The following CNTN3 variants were observed in gnomAD, a reference collection of about 807,000 sequenced individuals.
CNTN3 encodes contactin 3, also known as contactin-3.
Under a neutral mutation model 119.1 loss-of-function variants are expected in CNTN3, and 60 were observed. The observed-to-expected ratio is 0.50, with a 90% confidence interval of 0.41 to 0.62. The LOEUF is 0.62. CNTN3 is among the 20% of genes least tolerant of loss of function. The pLI is 0.00. For synonymous variants in CNTN3, 450 were observed against 438.7 expected (o/e 1.03, Z -0.32); for missense variants, 1,101 against 1,242.4 (o/e 0.89, Z 1.71).
At chr3:74,378,264 A>G (rs976625398) in intron 5 of CNTN3, among the ~76,000 whole-genome samples, 6 of 152,220 alleles carry the variant, frequency 3.9e-5, no homozygotes, top group Non-Finnish European at 7.3e-5. Flanking sequence ...TTTAAGGTTC[A>G]AATAACACAT....
At position 74,600,341 on chromosome 3, in the gene CNTN3, C is replaced by T. The variant is rs535797509; in HGVS notation, c.-81+14050G>A. ...ATCAGTAGAAAAGTTCACTCACAAT[C>T]ACTACGGAGGAAAAAGCAATAGTTC... On this transcript the variant is annotated intron_variant, in intron 1 of 22. Transcript: ENST00000263665. Among the ~76,000 whole-genome samples, 12 of 152,170 alleles carry T rather than the reference C, an allele frequency of 7.9e-5. No homozygotes were observed. In the East Asian group the frequency reaches 2.3e-3, roughly 30 times the overall value.
intron 1 of CNTN3, among the ~76,000 whole-genome samples, chr3:74,561,530 T>G (rs536132878): frequency 6.6e-6 from 1 of 152,236 alleles, no homozygotes; most frequent in African/African-American, 2.4e-5. Context: ...CAAAGCTCCC[T>G]CATGCTGCAG....
At position 74,507,436 on chromosome 3, in the gene CNTN3, GAACT is replaced by G. The variant is rs1474103564; in HGVS notation, c.56-7655_56-7652del. Among the ~76,000 whole-genome samples, 3 of 119,126 alleles carry G rather than the reference GAACT, an allele frequency of 2.5e-5. No homozygotes were observed. In the East Asian group the frequency reaches 7.5e-4, roughly 30 times the overall value. The allele number at this position is 119,126 out of a possible 152,430, so 78.2% of individuals were successfully genotyped here. A position where few individuals can be genotyped will look rare whatever the true frequency, so the allele number is the denominator to read the frequency against. On this transcript the variant is annotated intron_variant, in intron 2 of 22. Coordinates refer to ENST00000263665, the MANE Select transcript of CNTN3 (RefSeq NM_020872.3). ...CCATCTCTAAGAAAAAAAAAAAAAA[GAACT>G]AATACGACTTAGTGATTGTATTTTG...
chr3:74,281,592 C>A (rs1702010328), intron 20 of CNTN3, among the ~76,000 whole-genome samples: 1 of 152,114 alleles, frequency 6.6e-6, no homozygotes, highest in Non-Finnish European at 1.5e-5. Flanking sequence ...AAGCAATCAT[C>A]CCACCTTGGC....
At chr3:74,478,052 A>G (rs1702690909) in intron 4 of CNTN3, among the ~76,000 whole-genome samples, 1 of 152,142 alleles carries the variant, frequency 6.6e-6, no homozygotes, top group African/African-American at 2.4e-5. Flanking sequence ...AGTAGGTAAG[A>G]GATAGTCTAT....
intron 1 of CNTN3, among the ~76,000 whole-genome samples, chr3:74,574,255 A>C (rs11917568): frequency 6.6e-6 from 1 of 152,178 alleles, no homozygotes; most frequent in Non-Finnish European, 1.5e-5. Flanking sequence ...CCATAAAAAC[A>C]GAAGGTAGAT....
intron 5 of CNTN3, among the ~76,000 whole-genome samples, chr3:74,393,817 C>T (rs12635463): frequency 0.36 from 54,219 of 152,080 alleles, 10,774 homozygotes; most frequent in East Asian, 0.64. Context: ...TTGAACCTGA[C>T]CTTTCACTAC....
intron 4 of CNTN3, among the ~76,000 whole-genome samples, chr3:74,475,106 C>A (rs1300524925): frequency 2.6e-5 from 4 of 152,138 alleles, no homozygotes; most frequent in African/African-American, 9.7e-5. Flanking sequence ...TGAGAACAGA[C>A]TAATACATGT....
At chr3:74,313,447 A>G (rs528408862) in intron 13 of CNTN3, among the ~76,000 whole-genome samples, 19 of 152,354 alleles carry the variant, frequency 1.2e-4, no homozygotes, top group African/African-American at 4.6e-4. Context: ...AAAGATTAAA[A>G]AAAAAATTTT....
chr3:74,327,015 C>T lies in CNTN3; in HGVS notation c.1668+7720G>A, dbSNP rs191152255. On this transcript the variant is annotated intron_variant, in intron 13 of 22. Transcript: ENST00000263665. ...TATTGAATGTCATCTTAGTATCAAT[C>T]GAGAATATTGTGGTTTGTTTTATTA... Among the ~76,000 whole-genome samples the T allele has an allele frequency of 2.5e-3, 379 of 149,866 alleles. 2 individuals are homozygous for T. Among genetic ancestry groups the T allele is most frequent in the African/African-American group, 8.7e-3 (356 of 40,712 alleles).
chr3:74,312,107 TG>T (rs1702697849), intron 13 of CNTN3, among the ~76,000 whole-genome samples: 1 of 151,680 alleles, frequency 6.6e-6, no homozygotes, highest in Non-Finnish European at 1.5e-5. Flanking sequence ...CTGGTAGTTG[TG>T]GGGGGAAAAC....
intron 1 of CNTN3, among the ~76,000 whole-genome samples, chr3:74,537,855 G>T (rs571995740): frequency 1.3e-5 from 2 of 152,206 alleles, no homozygotes; most frequent in Middle Eastern, 3.4e-3. Context: ...AAATTGAAGA[G>T]AAGAATGGTA....
At chr3:74,328,504 T>C (rs78111965) in intron 13 of CNTN3, among the ~76,000 whole-genome samples, 364 of 152,346 alleles carry the variant, frequency 2.4e-3, no homozygotes, top group Middle Eastern at 6.8e-3. Flanking sequence ...GCTGTTTTTA[T>C]GGGCTTTAGT....
rs1301435291 is a variant in CNTN3, at chr3:74,297,971, A to G, written c.2387T>C (p.Phe796Ser). Residue 796 changes from phenylalanine to serine, a missense_variant, in exon 18 of 23, where the codon TTC becomes TCC. Transcript: ENST00000263665. Reference sequence around the variant, plus strand: ...GTTTTCCATACCTTCTTCTGCAGAGAACACTGTTGTCACTGGGCTAAATGG... The same window carrying G: ...GTTTTCCATACCTTCTTCTGCAGAGGACACTGTTGTCACTGGGCTAAATGG... ...EGPFSPVTTV[F>S]SAEEEPTVAP... 9 of 1,612,852 alleles carry G rather than the reference A, an allele frequency of 5.6e-6. 1 individual carries two copies. The highest frequency in any genetic ancestry group is 2.2e-5 in the East Asian group (1 of 44,860).
intron 1 of CNTN3, among the ~76,000 whole-genome samples, chr3:74,587,035 T>C (rs1382171708): frequency 2.6e-5 from 4 of 151,988 alleles, no homozygotes; most frequent in Non-Finnish European, 2.9e-5. Flanking sequence ...CTCTCAAAGA[T>C]GCAAGGAGAG....
At chr3:74,424,816 A>T (rs372119917) in intron 5 of CNTN3, 29 bp downstream of exon 5, 2 of 1,590,572 alleles carry the variant, frequency 1.3e-6, no homozygotes, top group South Asian at 2.2e-5. Flanking sequence ...CTTAATAAAT[A>T]TGAAAAGCAG....
intron 4 of CNTN3, among the ~76,000 whole-genome samples, chr3:74,446,148 C>T (rs931827355): frequency 1.3e-5 from 2 of 152,126 alleles, no homozygotes; most frequent in Admixed American, 1.3e-4. Flanking sequence ...TTGTGTAACT[C>T]TGGACCAGTT....
At chr3:74,468,616 C>A (rs1702506144) in intron 4 of CNTN3, among the ~76,000 whole-genome samples, 1 of 152,006 alleles carries the variant, frequency 6.6e-6, no homozygotes, top group African/African-American at 2.4e-5. Context: ...ATGGCATCAG[C>A]TAAAACCATT....
chr3:74,528,410 T>C lies in CNTN3; in HGVS notation c.-80-7218A>G, dbSNP rs546232618. 4.6e-5 allele frequency among the ~76,000 whole-genome samples: 7 copies of C among 152,032 alleles called. No individual in the cohort carries two copies. The East Asian group carries it at 7.8e-4, about 17-fold the overall frequency. ...AATACTAACTTTTATGGAGTGCCCATTATGTGCCAGGCACATTTACCAACT... is the reference window on the plus strand; with the variant it reads ...AATACTAACTTTTATGGAGTGCCCACTATGTGCCAGGCACATTTACCAACT... On this transcript the variant is annotated intron_variant, in intron 1 of 22. Transcript: ENST00000263665.
Sources: gnomAD v4.1 joint callset for allele counts (sites outside exome capture counted in the v4.1 genomes callset) on GRCh38, gnomAD v4.1.1 for gene constraint, MANE v1.5 for transcripts, NCBI Gene and HGNC (gene_info 2026-07-23, HGNC 2026-07-21) for gene names.